Variants in ST8SIA4 observed in about 807,000 individuals in gnomAD.
The protein encoded by ST8SIA4 is ST8 alpha-N-acetyl-neuraminide alpha-2,8-sialyltransferase 4.
Under a neutral mutation model 33.9 loss-of-function variants are expected in ST8SIA4, and 15 were observed. That is an observed-to-expected ratio of 0.44 (90% CI 0.30 to 0.68). The LOEUF is 0.68. Among genes scored for constraint, ST8SIA4 ranks in the 30% least tolerant of loss-of-function variants. The pLI is 0.10. For missense variants in ST8SIA4, 321 were observed against 428.0 expected, an observed-to-expected ratio of 0.75 and a Z score of 2.21; for synonymous variants, 171 against 151.2, an observed-to-expected ratio of 1.13 and a Z score of -0.96.
At position 100,900,725 on chromosome 5, in the gene ST8SIA4, C is replaced by T. The variant is rs1275607563; in HGVS notation, c.113+2118G>A. 2.4e-5 allele frequency among the ~76,000 whole-genome samples: 3 copies of T among 125,178 alleles called. No individual in the cohort carries two copies. In the East Asian group the frequency reaches 6.8e-4, roughly 28 times the overall value. 82.1% of individuals were successfully genotyped at this position (125,178 alleles called of 152,430 possible). ...GCGGGTTTTGATTAAGAAGGAGGAGCCAGTTGCCGACTGAGCTTTGAAAGT... is the reference window on the plus strand; with the variant it reads ...GCGGGTTTTGATTAAGAAGGAGGAGTCAGTTGCCGACTGAGCTTTGAAAGT... On this transcript the variant is annotated intron_variant, in intron 1 of 4. Transcript: ENST00000231461.
chr5:100,878,687 G>T (rs1309526405), intron 3 of ST8SIA4, among the ~76,000 whole-genome samples: 1 of 152,112 alleles, frequency 6.6e-6, no homozygotes, highest in Non-Finnish European at 1.5e-5. Context: ...ATTAAACACT[G>T]TAGAATACAG....
At chr5:100,894,785 T>C (rs1752745585) in intron 2 of ST8SIA4, among the ~76,000 whole-genome samples, 2 of 152,062 alleles carry the variant, frequency 1.3e-5, no homozygotes, top group South Asian at 2.1e-4. Flanking sequence ...GAAAATTAAT[T>C]AGCCCCTTAT....
At chr5:100,857,631 C>T (rs962000511) in intron 3 of ST8SIA4, among the ~76,000 whole-genome samples, 5 of 151,932 alleles carry the variant, frequency 3.3e-5, no homozygotes, top group African/African-American at 7.2e-5. Flanking sequence ...TTACATTTCT[C>T]TTCCTTGTGT....
intron 4 of ST8SIA4, among the ~76,000 whole-genome samples, chr5:100,821,251 C>G (rs1368839754): frequency 6.6e-6 from 1 of 151,886 alleles, no homozygotes; most frequent in Non-Finnish European, 1.5e-5. Flanking sequence ...AAAAAAAAAG[C>G]ATTAAAATAC....
intron 4 of ST8SIA4, among the ~76,000 whole-genome samples, chr5:100,823,899 AC>A (rs1751084321): frequency 6.6e-6 from 1 of 152,220 alleles, no homozygotes; most frequent in Non-Finnish European, 1.5e-5. Context: ...AGAGTCACAA[AC>A]TTTTTTACTG....
chr5:100,884,290 T>A (rs1222249861), intron 3 of ST8SIA4, among the ~76,000 whole-genome samples: 5 of 152,094 alleles, frequency 3.3e-5, no homozygotes. Flanking sequence ...AGCACCAGAG[T>A]AGCTTAGTAG....
intron 3 of ST8SIA4, among the ~76,000 whole-genome samples, chr5:100,873,769 A>G (rs1752248828): frequency 6.6e-6 from 1 of 152,146 alleles, no homozygotes; most frequent in South Asian, 2.1e-4. Flanking sequence ...GAGCGATGGA[A>G]TGAGACTTTG....
At chr5:100,867,743 G>A (rs541044342) in intron 3 of ST8SIA4, among the ~76,000 whole-genome samples, 2 of 151,832 alleles carry the variant, frequency 1.3e-5, no homozygotes, top group African/African-American at 4.8e-5. Context: ...ATAACCCAAG[G>A]TTGAAAATGA....
intron 4 of ST8SIA4, among the ~76,000 whole-genome samples, chr5:100,843,940 G>A (rs1031821930): frequency 6.6e-6 from 1 of 151,876 alleles, no homozygotes; most frequent in Non-Finnish European, 1.5e-5. Flanking sequence ...AATATTTGAA[G>A]TTTAGGTGGT....
At chr5:100,882,124 T>C (rs1752439016) in intron 3 of ST8SIA4, among the ~76,000 whole-genome samples, 1 of 152,162 alleles carries the variant, frequency 6.6e-6, no homozygotes, top group African/African-American at 2.4e-5. Flanking sequence ...CAGGAAAATG[T>C]GGGAAAGTTT....
At chr5:100,835,219 A>G (rs929952158) in intron 4 of ST8SIA4, among the ~76,000 whole-genome samples, 7 of 152,268 alleles carry the variant, frequency 4.6e-5, no homozygotes, top group Admixed American at 2.6e-4. Flanking sequence ...ATACAGTGAC[A>G]CTTCTCCCTT....
intron 3 of ST8SIA4, among the ~76,000 whole-genome samples, chr5:100,876,107 C>T (rs1752298090): frequency 6.6e-6 from 1 of 151,650 alleles, no homozygotes; most frequent in Admixed American, 6.6e-5. Flanking sequence ...TTAATAATAC[C>T]AGAAATACAG....
Position 100,903,182 on chromosome 5 carries a change from G to A in ST8SIA4, c.-227C>T, listed in dbSNP as rs1279832081. ...CCCTGTTTGCGCCAGCTCTGCCAGGGTCGCTCCGCGCCGCCTCCCTGGGGC... is the reference window on the plus strand; with the variant it reads ...CCCTGTTTGCGCCAGCTCTGCCAGGATCGCTCCGCGCCGCCTCCCTGGGGC... On this transcript the variant is annotated 5_prime_UTR_variant, in exon 1 of 5. Coordinates refer to ENST00000231461, the MANE Select transcript of ST8SIA4 (RefSeq NM_005668.6). 1.8e-6 allele frequency: 1 copy of A among 551,260 alleles called. No individual in the cohort carries two copies. The highest frequency in any genetic ancestry group is 3.3e-5 in the Admixed American group (1 of 30,598). 34.1% of individuals were successfully genotyped at this position (551,260 alleles called of 1,614,324 possible). A position where few individuals can be genotyped will look rare whatever the true frequency, so the allele number is the denominator to read the frequency against.
In ST8SIA4 at chr5:100,809,654, T is replaced by A. The variant is rs968175535; in HGVS notation, c.*2193A>T. The A allele has an allele frequency of 6.6e-6, 1 of 152,108 alleles. No homozygotes were observed. Among genetic ancestry groups the A allele is most frequent in the Non-Finnish European group, 1.5e-5 (1 of 68,008 alleles). 9.4% of individuals were successfully genotyped at this position (152,108 alleles called of 1,614,324 possible). ...CTTATCATTTGCAAGTAGTCCAAAT[T>A]TAGATTTTATAAATCACTTTCAATT... On this transcript the variant is annotated 3_prime_UTR_variant, in exon 5 of 5. Coordinates refer to ENST00000231461, the MANE Select transcript of ST8SIA4 (RefSeq NM_005668.6).
intron 4 of ST8SIA4, among the ~76,000 whole-genome samples, chr5:100,847,003 T>C (rs2112429121): frequency 6.6e-6 from 1 of 152,228 alleles, no homozygotes; most frequent in East Asian, 1.9e-4. Context: ...GTTCCGGAAG[T>C]GTGCATATCA....
intron 3 of ST8SIA4, among the ~76,000 whole-genome samples, chr5:100,864,705 T>C (rs1417534559): frequency 6.6e-6 from 1 of 151,564 alleles, no homozygotes; most frequent in East Asian, 1.9e-4. Context: ...AAGTATCTCA[T>C]AGTAGGTGTC....
intron 3 of ST8SIA4, among the ~76,000 whole-genome samples, chr5:100,865,753 GGT>G (rs1752048566): frequency 6.6e-6 from 1 of 151,762 alleles, no homozygotes; most frequent in African/African-American, 2.4e-5. Context: ...ATATCTTCTT[GGT>G]CATCAAATTC....
chr5:100,876,178 A>T (rs1752299791), intron 3 of ST8SIA4, among the ~76,000 whole-genome samples: 1 of 152,112 alleles, frequency 6.6e-6, no homozygotes, highest in Non-Finnish European at 1.5e-5. Context: ...TGAGAGATCG[A>T]ATTATATATG....
At chr5:100,837,647 T>C (rs965786828) in intron 4 of ST8SIA4, among the ~76,000 whole-genome samples, 34 of 152,060 alleles carry the variant, frequency 2.2e-4, no homozygotes, top group Admixed American at 2.0e-3. Context: ...CCTCATTAGT[T>C]TGAAATTGGG....
Sources: gnomAD v4.1 joint callset for allele counts (sites outside exome capture counted in the v4.1 genomes callset) on GRCh38, gnomAD v4.1.1 for gene constraint, MANE v1.5 for transcripts, NCBI Gene and HGNC (gene_info 2026-07-23, HGNC 2026-07-21) for gene names.